VEZF1: variants seen among roughly 807,000 people sequenced by gnomAD.
VEZF1 encodes putative transcription factor DB1.
In VEZF1, 5 loss-of-function variants were observed where a neutral mutation model predicts 44.1. That is an observed-to-expected ratio of 0.11 (90% confidence interval 0.06 to 0.24). VEZF1 has a LOEUF of 0.24. Among genes scored for constraint, VEZF1 ranks in the 10% least tolerant of loss-of-function variants. The probability of loss-of-function intolerance (pLI) is 1.00; values close to 1 mark genes in which losing one functional copy is unlikely to be tolerated. For synonymous variants in VEZF1, 236 were observed against 233.1 expected (o/e 1.01, Z -0.11); for missense variants, 358 against 641.8 (o/e 0.56, Z 4.78).
At chr17:57,985,230 C>T (rs1181000457) in intron 1 of VEZF1, 6 of 1,223,176 alleles carry the variant, frequency 4.9e-6, no homozygotes, top group Admixed American at 4.2e-5. Context: ...ACCATTAGTA[C>T]GATGGAGTAC....
chr17:57,985,265 C>T, intron 1 of VEZF1: 1 of 1,231,660 alleles, frequency 8.1e-7, no homozygotes, highest in African/African-American at 1.5e-5. Flanking sequence ...GCCATTTTAC[C>T]AATTCAGATG....
chr17:57,981,659 T>TA (rs1051355974), intron 3 of VEZF1, among the ~76,000 whole-genome samples: 19 of 151,938 alleles, frequency 1.3e-4, no homozygotes, highest in African/African-American at 4.1e-4. Flanking sequence ...AAATATAGCT[T>TA]AAAAAAAACA....
intron 5 of VEZF1, among the ~76,000 whole-genome samples, chr17:57,977,289 T>TGTG (rs1158556517): frequency 5.3e-5 from 8 of 151,966 alleles, no homozygotes; most frequent in Non-Finnish European, 1.0e-4. Context: ...GCTAATTTTT[T>TGTG]GTTGTTGTTG....
chr17:57,985,009 A>C (rs969176379), intron 1 of VEZF1, among the ~76,000 whole-genome samples: 4 of 152,248 alleles, frequency 2.6e-5, no homozygotes, highest in African/African-American at 9.6e-5. Flanking sequence ...TGACATCAGC[A>C]GAAACTTTAC....
rs1187408155 is a variant in VEZF1 at position 57,981,945 on chromosome 17, AAG to A, written c.729-11_729-10del. ...AGCTTAAGTGGTCAGGCCTGTGAAA[AAG>A]AGAGTTTCAACAGAAGATATAATCG... On this transcript the variant is annotated splice_polypyrimidine_tract_variant and intron_variant, in intron 2 of 5. Transcript: ENST00000581208. 5.0e-6 allele frequency: 8 copies of A among 1,613,770 alleles called. 1 individual carries two copies. Among genetic ancestry groups the A allele is most frequent in the African/African-American group, 1.3e-5 (1 of 74,936 alleles).
chr17:57,975,524 TC>T (rs1441028324), intron 5 of VEZF1, among the ~76,000 whole-genome samples: 1 of 152,256 alleles, frequency 6.6e-6, no homozygotes, highest in African/African-American at 2.4e-5. Flanking sequence ...CATGTTTGTT[TC>T]AGTTTTAGAA....
Position 57,974,729 on chromosome 17 carries a change from G to T in VEZF1, c.1310C>A (p.Thr437Asn), listed in dbSNP as rs548984421. Reference sequence around the variant, plus strand: ...AGGATGCCCTATGTTCATTGGGCTGGTTATGTTAACTGCACTTGAAACATT... The same window carrying T: ...AGGATGCCCTATGTTCATTGGGCTGTTTATGTTAACTGCACTTGAAACATT... ...PVNVSSAVNITSPMNIGHPVT... is the reference protein window; with the variant it reads ...PVNVSSAVNINSPMNIGHPVT... Residue 437 changes from threonine to asparagine, a missense_variant, in exon 6 of 6, where the codon ACC becomes AAC. Thr to Asn is a moderately conservative substitution (Grantham distance 65, BLOSUM62 0). Around this residue, in one of 4 missense-constraint regions of VEZF1, gnomAD observed 171 missense variants for 272.4 expected, o/e 0.63. Coordinates refer to ENST00000581208, the MANE Select transcript of VEZF1 (RefSeq NM_007146.3). 1 of 1,614,116 alleles carries T rather than the reference G, an allele frequency of 6.2e-7. No individual in the cohort carries two copies. Among genetic ancestry groups the T allele is most frequent in the South Asian group, 1.1e-5 (1 of 91,072 alleles).
Position 57,974,708 on chromosome 17 carries a change from T to C in VEZF1, c.1331A>G (p.His444Arg). 1 of 1,614,182 alleles carries C rather than the reference T, an allele frequency of 6.2e-7. No individual in the cohort carries two copies. The highest frequency in any genetic ancestry group is 1.1e-5 in the South Asian group (1 of 91,086). The change falls in exon 6 of 6, where the codon CAT becomes CGT. Residue 444 changes from histidine to arginine, a missense_variant. His to Arg is a conservative substitution (Grantham distance 29, BLOSUM62 0). Coordinates refer to ENST00000581208, the MANE Select transcript of VEZF1 (RefSeq NM_007146.3). ...VNITSPMNIG[H>R]PVTITSPLSM... The stretch of plus-strand genomic sequence containing the variant: ...TAATGGACTGGTTATAGTTACAGGA[T>C]GCCCTATGTTCATTGGGCTGGTTAT...
intron 5 of VEZF1, among the ~76,000 whole-genome samples, chr17:57,976,929 T>C (rs550473100): frequency 1.9e-4 from 29 of 152,276 alleles, no homozygotes; most frequent in African/African-American, 6.7e-4. Flanking sequence ...GCTGACCCCC[T>C]TACCTCCTCC....
chr17:57,974,638 G>C lies in VEZF1; in HGVS notation c.1401C>G (p.Pro467=), dbSNP rs141444864. The part of the protein sequence containing the change: ...PLTLTTPVNL[P]TPVTAPVNIA... ...TATTCACTGGGGCAGTGACGGGGGT[G>C]GGGAGGTTGACTGGGGTAGTGAGTG... Residue 467 remains proline, a synonymous_variant, in exon 6 of 6, where the codon CCC becomes CCG. Transcript: ENST00000581208. The C allele has an allele frequency of 3.7e-6, 6 of 1,614,000 alleles. No homozygotes were observed. Among genetic ancestry groups the C allele is most frequent in the South Asian group, 1.1e-5 (1 of 91,078 alleles).
rs373697164 is a variant in VEZF1 at position 57,975,722 on chromosome 17, A to G, written c.1139-822T>C. On this transcript the variant is annotated intron_variant, in intron 5 of 5. Coordinates refer to ENST00000581208, the MANE Select transcript of VEZF1 (RefSeq NM_007146.3). ...CTACATATTACACATACCACCAAGCATACCAAAGAGAACTAGCTAGGCAAG... is the reference window on the plus strand; with the variant it reads ...CTACATATTACACATACCACCAAGCGTACCAAAGAGAACTAGCTAGGCAAG... Among the ~76,000 whole-genome samples, 185 of 152,322 alleles carry G rather than the reference A, an allele frequency of 1.2e-3. 1 individual carries two copies. The South Asian group carries it at 0.016, about 13-fold the overall frequency.
Position 57,974,354 on chromosome 17 carries a change from T to C in VEZF1, c.*119A>G. The C allele has an allele frequency of 8.4e-7, 1 of 1,195,480 alleles. No homozygotes were observed. Among genetic ancestry groups the C allele is most frequent in the African/African-American group, 1.5e-5 (1 of 64,766 alleles). The allele number at this position is 1,195,480 out of a possible 1,614,324, so 74.1% of individuals were successfully genotyped here. ...ATTGGAGAAAAATGCTACCACACTC[T>C]TATTAACTAATGTAATAAAATCTCC... On this transcript the variant is annotated 3_prime_UTR_variant, in exon 6 of 6. Transcript: ENST00000581208.
chr17:57,981,628 T>A (rs1191112527), intron 3 of VEZF1, among the ~76,000 whole-genome samples: 1 of 152,154 alleles, frequency 6.6e-6, no homozygotes, highest in African/African-American at 2.4e-5. Flanking sequence ...TAACAAAAAA[T>A]ACTATTGCCC....
At chr17:57,986,084 G>GC (rs2075290482) in intron 1 of VEZF1, 1 of 151,966 alleles carries the variant, frequency 6.6e-6, no homozygotes, top group African/African-American at 2.4e-5. Context: ...ACATTGCCAA[G>GC]CCCAGGATTA....
At position 57,988,124 on chromosome 17, in the gene VEZF1, C is replaced by A; in HGVS notation, c.-13G>T. On this transcript the variant is annotated 5_prime_UTR_variant, in exon 1 of 6. Transcript: ENST00000581208. ...AGTTGGCCTCCATGGCTGCGGCGGC[C>A]GACCCCCCTCCTCCCCACTCCCCCC... is the stretch of plus-strand genomic sequence containing the variant. The A allele has an allele frequency of 1.2e-6, 1 of 822,540 alleles. No homozygotes were observed. 51.0% of individuals were successfully genotyped at this position (822,540 alleles called of 1,614,324 possible).
intron 5 of VEZF1, among the ~76,000 whole-genome samples, chr17:57,977,936 C>G (rs2075208247): frequency 6.6e-6 from 1 of 151,792 alleles, no homozygotes. Context: ...GGTGTGGTGA[C>G]TCATGCCTGT....
chr17:57,972,873 T>C lies in VEZF1; in HGVS notation c.*1600A>G, dbSNP rs934767965. The C allele has an allele frequency of 2.0e-5, 3 of 152,594 alleles. No individual in the cohort carries two copies. Among genetic ancestry groups the C allele is most frequent in the Non-Finnish European group, 4.4e-5 (3 of 68,018 alleles). The allele number at this position is 152,594 out of a possible 1,614,324, so 9.5% of individuals were successfully genotyped here. A position where few individuals can be genotyped will look rare whatever the true frequency, so the allele number is the denominator to read the frequency against. ...GACACACAGATACCTGTCCCTGATGTAGGAAGTCTGTCTCAGATGCAAGGT... is the reference window on the plus strand; with the variant it reads ...GACACACAGATACCTGTCCCTGATGCAGGAAGTCTGTCTCAGATGCAAGGT... On this transcript the variant is annotated 3_prime_UTR_variant, in exon 6 of 6. Transcript: ENST00000581208.
In VEZF1 at chr17:57,988,130, C is replaced by G. The variant is rs1413381025; in HGVS notation, c.-19G>C. 1.0e-5 allele frequency: 8 copies of G among 796,292 alleles called. No individual in the cohort carries two copies. Among genetic ancestry groups the G allele is most frequent in the Middle Eastern group, 4.8e-4 (1 of 2,102 alleles). The allele number at this position is 796,292 out of a possible 1,614,324, so 49.3% of individuals were successfully genotyped here. On this transcript the variant is annotated 5_prime_UTR_variant, in exon 1 of 6. Coordinates refer to ENST00000581208, the MANE Select transcript of VEZF1 (RefSeq NM_007146.3). ...CCTCCATGGCTGCGGCGGCCGACCC[C>G]CCTCCTCCCCACTCCCCCCGCTCGG...
At position 57,988,149 on chromosome 17, in the gene VEZF1, C is replaced by G. The variant is rs1480274619; in HGVS notation, c.-38G>C. On this transcript the variant is annotated 5_prime_UTR_variant, in exon 1 of 6. Transcript: ENST00000581208. ...CGACCCCCCTCCTCCCCACTCCCCC[C>G]GCTCGGGGAGCCTCCTCAGCCGGAG... The G allele has an allele frequency of 1.2e-5, 8 of 679,720 alleles. No individual in the cohort carries two copies. Among genetic ancestry groups the G allele is most frequent in the African/African-American group, 9.7e-5 (5 of 51,378 alleles). 42.1% of individuals were successfully genotyped at this position (679,720 alleles called of 1,614,324 possible).
Sources: gnomAD v4.1 joint callset for allele counts (sites outside exome capture counted in the v4.1 genomes callset) on GRCh38, gnomAD v4.1.1 for gene constraint, gnomAD v4.1.1 regional missense constraint, MANE v1.5 for transcripts, NCBI Gene and HGNC (gene_info 2026-07-23, HGNC 2026-07-21) for gene names.